Variants in SLC68A1 observed in about 807,000 individuals in gnomAD.
SLC68A1 encodes the protein solute carrier family 68 member 1.
At chr10:102,461,487 G>A in the SLC68A1 span, 2 of 152,530 alleles carry the variant, frequency 1.3e-5, no homozygotes, top group African/African-American at 2.4e-5. Context: ...TCGCGGGCAG[G>A]AGCGGGCTGG....
chr10:102,476,659 A>G, the SLC68A1 span: 2 of 986,216 alleles, frequency 2.0e-6, no homozygotes, highest in South Asian at 4.7e-5. Context: ...GGGCTGGGCC[A>G]TATGTGCTCA....
the SLC68A1 span, among the ~76,000 whole-genome samples, chr10:102,475,124 G>A: frequency 1.3e-5 from 2 of 151,864 alleles, no homozygotes; most frequent in African/African-American, 4.8e-5. Context: ...TGAAACCCCC[G>A]CCTCTACTAA....
chr10:102,462,390 C>T, the SLC68A1 span, among the ~76,000 whole-genome samples: 1 of 152,206 alleles, frequency 6.6e-6, no homozygotes, highest in Non-Finnish European at 1.5e-5. Context: ...ATAATGTTCA[C>T]ACCTGACCCA....
At chr10:102,461,605 G>C in the SLC68A1 span, among the ~76,000 whole-genome samples, 2 of 152,108 alleles carry the variant, frequency 1.3e-5, no homozygotes, top group Non-Finnish European at 2.9e-5. Flanking sequence ...ATCATATTGT[G>C]GATTGGGAGA....
At chr10:102,467,752 G>C in the SLC68A1 span, among the ~76,000 whole-genome samples, 3 of 152,100 alleles carry the variant, frequency 2.0e-5, no homozygotes, top group African/African-American at 7.2e-5. Flanking sequence ...TGCCTCCCGG[G>C]TTCAAGCAAT....
the SLC68A1 span, chr10:102,475,738 G>A: frequency 1.2e-6 from 2 of 1,602,846 alleles, no homozygotes; most frequent in East Asian, 2.2e-5. Context: ...ACCTCTTCCA[G>A]CAGTCCCTCA....
the SLC68A1 span, chr10:102,472,121 C>T: frequency 2.3e-6 from 1 of 433,500 alleles, no homozygotes; most frequent in African/African-American, 2.0e-5. Context: ...TATGATTGCA[C>T]CACTGCACTC....
At chr10:102,469,490 G>A in the SLC68A1 span, among the ~76,000 whole-genome samples, 1 of 152,054 alleles carries the variant, frequency 6.6e-6, no homozygotes, top group South Asian at 2.1e-4. Flanking sequence ...TTTACCAGCT[G>A]GGCCCTGGAT....
chr10:102,464,137 C>T, the SLC68A1 span, among the ~76,000 whole-genome samples: 1 of 152,218 alleles, frequency 6.6e-6, no homozygotes, highest in Non-Finnish European at 1.5e-5. Flanking sequence ...TGAGCCACAA[C>T]GCCCCACCTA....
the SLC68A1 span, among the ~76,000 whole-genome samples, chr10:102,472,416 C>T: frequency 6.6e-6 from 1 of 152,100 alleles, no homozygotes; most frequent in Non-Finnish European, 1.5e-5. Flanking sequence ...GCATGCAACA[C>T]AACACCCGAC....
chr10:102,471,352 C>T, the SLC68A1 span: 112 of 1,613,638 alleles, frequency 6.9e-5, no homozygotes, highest in Admixed American at 1.2e-4. Context: ...GCAGCTGGCA[C>T]GCCATCGGAA....
chr10:102,475,053 A>G, the SLC68A1 span, among the ~76,000 whole-genome samples: 1 of 151,658 alleles, frequency 6.6e-6, no homozygotes, highest in African/African-American at 2.4e-5. Flanking sequence ...GCACTTTGGG[A>G]GGCTGAGGAG....
the SLC68A1 span, among the ~76,000 whole-genome samples, chr10:102,472,632 G>T: frequency 6.6e-6 from 1 of 152,152 alleles, no homozygotes; most frequent in African/African-American, 2.4e-5. Context: ...CTATTTTGCC[G>T]TGGCTTCTAA....
the SLC68A1 span, chr10:102,475,648 C>T: frequency 1.3e-6 from 2 of 1,503,494 alleles, no homozygotes; most frequent in African/African-American, 2.8e-5. Context: ...AGATGTCACA[C>T]CATAGACTTG....
chr10:102,471,926 G>A, the SLC68A1 span: 1 of 405,988 alleles, frequency 2.5e-6, no homozygotes, highest in South Asian at 1.7e-5. Context: ...GGCTCTCTGG[G>A]TAGCCCTGTC....
the SLC68A1 span, among the ~76,000 whole-genome samples, chr10:102,474,346 A>G: frequency 6.6e-6 from 1 of 152,170 alleles, no homozygotes; most frequent in Non-Finnish European, 1.5e-5. Context: ...TAAACATCCA[A>G]ACAAGACATT....
At chr10:102,476,852 C>G in the SLC68A1 span, 1 of 985,466 alleles carries the variant, frequency 1.0e-6, no homozygotes, top group Non-Finnish European at 1.2e-6. Flanking sequence ...TTTGCCCAGT[C>G]AGGGAAAGCT....
chr10:102,465,337 A>T, the SLC68A1 span, among the ~76,000 whole-genome samples: 1 of 152,074 alleles, frequency 6.6e-6, no homozygotes, highest in Non-Finnish European at 1.5e-5. Flanking sequence ...AGGAAGGAGA[A>T]TTGCTTGAAC....
the SLC68A1 span, among the ~76,000 whole-genome samples, chr10:102,464,131 C>T: frequency 6.6e-6 from 1 of 152,202 alleles, no homozygotes; most frequent in Non-Finnish European, 1.5e-5. Context: ...CAGGCATGAG[C>T]CACAACGCCC....
Sources: allele counts gnomAD v4.1 joint callset (sites outside exome capture counted in the v4.1 genomes callset), GRCh38; gene constraint gnomAD v4.1.1; transcripts MANE v1.5; gene names NCBI Gene and HGNC (gene_info 2026-07-23, HGNC 2026-07-21).